Variants in LPP observed in about 807,000 individuals in gnomAD.
LPP encodes lipoma-preferred partner.
In LPP, 38 loss-of-function variants were observed where a neutral mutation model predicts 60.4. That is an observed-to-expected ratio of 0.63 (90% CI 0.49 to 0.83). The LOEUF is 0.83. Among genes scored for constraint, LPP ranks in the 40% least tolerant of loss-of-function variants. LPP has a pLI of 0.00. For missense variants in LPP, 902 were observed against 783.6 expected (o/e 1.15, Z -1.80); for synonymous variants, 328 against 290.8 (o/e 1.13, Z -1.30).
At chr3:188,635,422 C>T (rs190998652) in intron 7 of LPP, among the ~76,000 whole-genome samples, 8 of 152,248 alleles carry the variant, frequency 5.3e-5, no homozygotes, top group East Asian at 1.9e-4. Context: ...GTTACCAGTA[C>T]GTTTGGTTCT....
chr3:188,552,882 G>A (rs1203775089), intron 6 of LPP, among the ~76,000 whole-genome samples: 2 of 152,144 alleles, frequency 1.3e-5, no homozygotes, highest in Non-Finnish European at 2.9e-5. Flanking sequence ...ATTAGAGTGT[G>A]TACATTCTTG....
intron 7 of LPP, among the ~76,000 whole-genome samples, chr3:188,652,527 C>A (rs1041476114): frequency 6.6e-6 from 1 of 151,904 alleles, no homozygotes; most frequent in Non-Finnish European, 1.5e-5. Flanking sequence ...CAAAACAGAA[C>A]CGATTCTGTA....
chr3:188,753,982 G>C (rs190000439), intron 8 of LPP, among the ~76,000 whole-genome samples: 2 of 152,260 alleles, frequency 1.3e-5, no homozygotes, highest in South Asian at 2.1e-4. Context: ...TATTCACAGA[G>C]CTAAATGGCA....
At chr3:188,360,439 C>A (rs1038921866) in intron 3 of LPP, among the ~76,000 whole-genome samples, 2 of 152,058 alleles carry the variant, frequency 1.3e-5, no homozygotes, top group African/African-American at 4.8e-5. Context: ...GTCTTTTCTT[C>A]TTCTCTTCCT....
chr3:188,458,860 C>A (rs1449516533), intron 4 of LPP, among the ~76,000 whole-genome samples: 1 of 149,840 alleles, frequency 6.7e-6, no homozygotes, highest in Admixed American at 6.7e-5. Flanking sequence ...TGGCCGATTT[C>A]TTTCTTTCCT....
At chr3:188,820,775 C>T (rs546546661) in intron 9 of LPP, among the ~76,000 whole-genome samples, 12 of 152,020 alleles carry the variant, frequency 7.9e-5, no homozygotes, top group African/African-American at 2.7e-4. Flanking sequence ...ACGTTAACTC[C>T]GATAAGTCCA....
intron 4 of LPP, among the ~76,000 whole-genome samples, chr3:188,458,471 C>A (rs1262226375): frequency 6.6e-6 from 1 of 152,108 alleles, no homozygotes; most frequent in South Asian, 2.1e-4. Flanking sequence ...AAAATGTATG[C>A]TTTTCAATTT....
At chr3:188,409,118 T>C (rs1392736824) in intron 4 of LPP, among the ~76,000 whole-genome samples, 1 of 152,192 alleles carries the variant, frequency 6.6e-6, no homozygotes, top group Non-Finnish European at 1.5e-5. Flanking sequence ...GGCTGGCGGA[T>C]GGCTGGCTGG....
chr3:188,760,057 T>G (rs1560167423), intron 8 of LPP, 56 bp from the exon 9 acceptor site: 1 of 1,557,830 alleles, frequency 6.4e-7, no homozygotes, highest in African/African-American at 1.4e-5. Flanking sequence ...CCACTTTGGC[T>G]TTAGCAGGAC....
intron 3 of LPP, among the ~76,000 whole-genome samples, chr3:188,374,689 A>G (rs1418798609): frequency 1.3e-5 from 2 of 151,944 alleles, no homozygotes; most frequent in East Asian, 3.9e-4. Context: ...CTAATTTAAT[A>G]CCCTTTATTT....
At chr3:188,296,073 A>G (rs1356670703) in intron 2 of LPP, among the ~76,000 whole-genome samples, 1 of 152,118 alleles carries the variant, frequency 6.6e-6, no homozygotes, top group Non-Finnish European at 1.5e-5. Context: ...TGATGACTGT[A>G]CCTATTTCCT....
intron 2 of LPP, among the ~76,000 whole-genome samples, chr3:188,323,680 G>T (rs1219613241): frequency 1.3e-5 from 2 of 152,194 alleles, no homozygotes; most frequent in African/African-American, 4.8e-5. Flanking sequence ...CTGACCTTGG[G>T]TCCTTATTGC....
chr3:188,339,978 C>G (rs1471966754), intron 2 of LPP, among the ~76,000 whole-genome samples: 1 of 152,222 alleles, frequency 6.6e-6, no homozygotes, highest in Non-Finnish European at 1.5e-5. Flanking sequence ...TACTCTTTCT[C>G]CTTTCACTTG....
chr3:188,464,881 G>C (rs1231519031), intron 4 of LPP, among the ~76,000 whole-genome samples: 1 of 150,546 alleles, frequency 6.6e-6, no homozygotes, highest in African/African-American at 2.4e-5. Flanking sequence ...TCCATTCTGA[G>C]TCCCTTAAAT....
At chr3:188,613,915 A>ATTTATTTT (rs1285194499) in intron 7 of LPP, among the ~76,000 whole-genome samples, 9 of 146,536 alleles carry the variant, frequency 6.1e-5, no homozygotes, top group Non-Finnish European at 1.3e-4. Context: ...TTATTTATTT[A>ATTTATTTT]TTTATTTATT....
intron 9 of LPP, among the ~76,000 whole-genome samples, chr3:188,806,652 A>C (rs1383630081): frequency 3.3e-5 from 5 of 151,858 alleles, no homozygotes; most frequent in African/African-American, 1.2e-4. Flanking sequence ...GTTTTTCACA[A>C]TTCCATCTCA....
chr3:188,308,405 T>G (rs1752211259), intron 2 of LPP, among the ~76,000 whole-genome samples: 1 of 152,188 alleles, frequency 6.6e-6, no homozygotes, highest in Non-Finnish European at 1.5e-5. Flanking sequence ...GGGATAACCT[T>G]GAAAGAGTGC....
At chr3:188,449,632 A>G (rs913314190) in intron 4 of LPP, among the ~76,000 whole-genome samples, 2 of 152,122 alleles carry the variant, frequency 1.3e-5, no homozygotes, top group African/African-American at 4.8e-5. Flanking sequence ...AGCTGAGGCA[A>G]GATTTAAAAT....
intron 2 of LPP, among the ~76,000 whole-genome samples, chr3:188,276,961 T>C (rs1168370441): frequency 1.5e-5 from 2 of 132,748 alleles, no homozygotes; most frequent in Admixed American, 8.9e-5. Context: ...TGGAGTATAG[T>C]GGCATGATCT....
Sources: allele counts gnomAD v4.1 joint callset (sites outside exome capture counted in the v4.1 genomes callset), GRCh38; gene constraint gnomAD v4.1.1; transcripts MANE v1.5; gene names NCBI Gene and HGNC (gene_info 2026-07-23, HGNC 2026-07-21).